ULK4: variants seen among roughly 807,000 people sequenced by gnomAD.
ULK4 encodes inactive serine/threonine-protein kinase ULK4.
In ULK4, 133 loss-of-function variants were observed where a neutral mutation model predicts 160.6. The ratio of observed to expected loss-of-function variants is 0.83; its 90% CI spans 0.72 to 0.96. The LOEUF is 0.96. Among genes scored for constraint, ULK4 ranks in the 40% least tolerant of loss-of-function variants. The pLI, the probability that ULK4 is intolerant of heterozygous loss-of-function variation, is 0.00. For synonymous variants in ULK4, 534 were observed against 539.8 expected (o/e 0.99, Z 0.15); for missense variants, 1,580 against 1,499.5 (o/e 1.05, Z -0.89).
intron 23 of ULK4, among the ~76,000 whole-genome samples, chr3:41,716,258 G>T (rs1053696495): frequency 8.3e-6 from 1 of 120,276 alleles, no homozygotes; most frequent in Admixed American, 8.0e-5. Flanking sequence ...ATAATAATAA[G>T]TGAACGAATT....
At chr3:41,359,267 G>A (rs1188600146) in intron 35 of ULK4, among the ~76,000 whole-genome samples, 4 of 152,240 alleles carry the variant, frequency 2.6e-5, no homozygotes, top group African/African-American at 9.6e-5. Context: ...CGTCAGACTC[G>A]AGTTCAGGCT....
rs1055806647 is a variant in ULK4 at position 41,286,598 on chromosome 3, G to A, written c.3679-37024C>T. Among the ~76,000 whole-genome samples the A allele has an allele frequency of 9.2e-5, 14 of 152,230 alleles. 1 individual carries two copies. The highest frequency in any genetic ancestry group is 4.6e-4 in the Admixed American group (7 of 15,300). ...GAAAGAAGAGCTTCTCCAGGGCCCCGCCAGCACCCTAAACTGCAGGCACAG... is the reference window on the plus strand; with the variant it reads ...GAAAGAAGAGCTTCTCCAGGGCCCCACCAGCACCCTAAACTGCAGGCACAG... On this transcript the variant is annotated intron_variant, in intron 35 of 36. Coordinates refer to ENST00000301831, the MANE Select transcript of ULK4 (RefSeq NM_017886.4).
rs370385790 is a variant in ULK4 at position 41,375,810 on chromosome 3, T to C, written c.3678+22269A>G. On this transcript the variant is annotated intron_variant, in intron 35 of 36. Transcript: ENST00000301831. Reference sequence around the variant, plus strand: ...CTAATTAAACTAAAGAGCTTCTGCATAGCCAAAGAAACTAGCATATCAGGG... The same window carrying C: ...CTAATTAAACTAAAGAGCTTCTGCACAGCCAAAGAAACTAGCATATCAGGG... Among the ~76,000 whole-genome samples the C allele has an allele frequency of 4.1e-4, 62 of 150,142 alleles. 6 individuals are homozygous for C. In the South Asian group the frequency reaches 0.013, roughly 31 times the overall value.
intron 12 of ULK4, among the ~76,000 whole-genome samples, chr3:41,905,176 C>G (rs1163452600): frequency 1.3e-5 from 2 of 152,204 alleles, no homozygotes; most frequent in African/African-American, 4.8e-5. Context: ...AATAAACCTT[C>G]ACATATACAG....
intron 27 of ULK4, among the ~76,000 whole-genome samples, chr3:41,690,560 C>T (rs2036262076): frequency 6.6e-6 from 1 of 151,610 alleles, no homozygotes. Flanking sequence ...TCTAGGCAGC[C>T]CTCCTCTTTG....
Position 41,431,355 on chromosome 3 carries a change from A to AAATAATAAT in ULK4, c.3492+24133_3492+24141dup, listed in dbSNP as rs57010705. On this transcript the variant is annotated intron_variant, in intron 34 of 36. Coordinates refer to ENST00000301831, the MANE Select transcript of ULK4 (RefSeq NM_017886.4). ...CAGCGAGACTCCGTCACACACACACAAATAATAATAATAATAATAATAATA... is the reference window on the plus strand; with the variant it reads ...CAGCGAGACTCCGTCACACACACACAAATAATAATAATAATAATAATAATAATAATAATA... Among the ~76,000 whole-genome samples, 245 of 139,114 alleles carry AAATAATAAT rather than the reference A, an allele frequency of 1.8e-3. 2 individuals carry two copies. Among genetic ancestry groups the AAATAATAAT allele is most frequent in the African/African-American group, 3.1e-3 (118 of 37,710 alleles). The allele number at this position is 139,114 out of a possible 152,430, so 91.3% of individuals were successfully genotyped here.
At chr3:41,901,280 C>T (rs919338527) in intron 12 of ULK4, among the ~76,000 whole-genome samples, 6 of 147,168 alleles carry the variant, frequency 4.1e-5, no homozygotes, top group South Asian at 2.2e-4. Context: ...CCCGGGTTCA[C>T]GCCATTCTCC....
At chr3:41,921,739 TG>T (rs1699191641) in intron 5 of ULK4, among the ~76,000 whole-genome samples, 2 of 152,212 alleles carry the variant, frequency 1.3e-5, no homozygotes, top group Non-Finnish European at 2.9e-5. Flanking sequence ...TATTATTACA[TG>T]GTAAGTTAAA....
intron 19 of ULK4, among the ~76,000 whole-genome samples, chr3:41,812,602 G>A (rs1367179172): frequency 6.6e-6 from 1 of 152,140 alleles, no homozygotes; most frequent in Non-Finnish European, 1.5e-5. Context: ...CTCCTTAGAG[G>A]TTTAATATTG....
chr3:41,402,650 TA>T (rs1303655622), intron 34 of ULK4, among the ~76,000 whole-genome samples: 1 of 152,214 alleles, frequency 6.6e-6, no homozygotes. Context: ...GTTTATATGG[TA>T]AAATACATTA....
chr3:41,443,560 C>A (rs1052989122), intron 34 of ULK4, among the ~76,000 whole-genome samples: 1 of 152,090 alleles, frequency 6.6e-6, no homozygotes, highest in Non-Finnish European at 1.5e-5. Flanking sequence ...AAAGTTTATA[C>A]TTTCATGTAA....
intron 31 of ULK4, among the ~76,000 whole-genome samples, chr3:41,584,082 T>C (rs1172829115): frequency 1.3e-5 from 2 of 152,196 alleles, no homozygotes; most frequent in Non-Finnish European, 2.9e-5. Flanking sequence ...TTGAGTCTAT[T>C]AGAAACTGGA....
At chr3:41,862,017 G>T (rs1445153320) in intron 17 of ULK4, among the ~76,000 whole-genome samples, 1 of 151,896 alleles carries the variant, frequency 6.6e-6, no homozygotes, top group Non-Finnish European at 1.5e-5. Flanking sequence ...TCACCATGTT[G>T]CCCAGGCTGG....
At chr3:41,464,425 G>A (rs1305202489) in intron 32 of ULK4, among the ~76,000 whole-genome samples, 2 of 152,080 alleles carry the variant, frequency 1.3e-5, no homozygotes, top group South Asian at 2.1e-4. Flanking sequence ...TGAGTTTCAA[G>A]GCTGAAAATA....
intron 18 of ULK4, among the ~76,000 whole-genome samples, chr3:41,829,533 C>T (rs987970486): frequency 6.6e-6 from 1 of 152,022 alleles, no homozygotes; most frequent in African/African-American, 2.4e-5. Context: ...AGCCAAAAGA[C>T]ACATGAAAAA....
At chr3:41,420,669 G>C (rs1238926950) in intron 34 of ULK4, among the ~76,000 whole-genome samples, 1 of 151,232 alleles carries the variant, frequency 6.6e-6, no homozygotes, top group Non-Finnish European at 1.5e-5. Context: ...ATTTTTAGTA[G>C]AGATTCTGCT....
At chr3:41,754,525 TAAAA>T (rs776978170) in intron 21 of ULK4, 37 bp from the exon 22 acceptor site, 2 of 1,592,992 alleles carry the variant, frequency 1.3e-6, no homozygotes, top group African/African-American at 2.7e-5. Flanking sequence ...TGAGAGAACA[TAAAA>T]AAATAGGGCA....
chr3:41,343,856 T>C (rs573465164), intron 35 of ULK4, among the ~76,000 whole-genome samples: 1 of 152,074 alleles, frequency 6.6e-6, no homozygotes, highest in African/African-American at 2.4e-5. Context: ...AAAGAGAACA[T>C]GAACAAATGA....
intron 31 of ULK4, among the ~76,000 whole-genome samples, chr3:41,567,067 C>A (rs1191314832): frequency 6.6e-6 from 1 of 152,130 alleles, no homozygotes; most frequent in Non-Finnish European, 1.5e-5. Context: ...ACTAGTCCAA[C>A]CCCGAAAAGC....
Sources: allele counts gnomAD v4.1 joint callset (sites outside exome capture counted in the v4.1 genomes callset), GRCh38; gene constraint gnomAD v4.1.1; transcripts MANE v1.5; gene names NCBI Gene and HGNC (gene_info 2026-07-23, HGNC 2026-07-21).